Variants in LYPD6B observed in about 807,000 individuals in gnomAD.
The protein encoded by LYPD6B is LY6/PLAUR domain containing 6B, also known as ly6/PLAUR domain-containing protein 6B.
A neutral mutation model predicts 22.8 loss-of-function variants in LYPD6B; 17 were observed. That is an observed-to-expected ratio of 0.75 (90% CI 0.51 to 1.12). LYPD6B has a LOEUF of 1.12. LYPD6B is among the 50% of genes most tolerant of loss of function. LYPD6B has a pLI of 0.00. For synonymous variants in LYPD6B, 106 were observed against 91.6 expected (o/e 1.16, Z -0.90); for missense variants, 221 against 258.3 (o/e 0.86, Z 0.99).
At position 149,189,758 on chromosome 2, in the gene LYPD6B, CA is replaced by C. The variant is rs368689879; in HGVS notation, c.78-15494del. 3.7e-4 allele frequency among the ~76,000 whole-genome samples: 56 copies of C among 152,246 alleles called. No individual in the cohort carries two copies. The South Asian group carries it at 4.0e-3, about 11-fold the overall frequency. ...TAGACAACTGTGAATGTGCTCTTAG[CA>C]GGATCTCAGGGGACTTTACCAGTGC... On this transcript the variant is annotated intron_variant, in intron 3 of 6. Transcript: ENST00000409642.
At chr2:149,177,311 G>A (rs1691387090) in intron 3 of LYPD6B, among the ~76,000 whole-genome samples, 1 of 152,160 alleles carries the variant, frequency 6.6e-6, no homozygotes, top group African/African-American at 2.4e-5. Context: ...TTGGATCTCT[G>A]TTTCCATCAA....
chr2:149,133,765 T>G (rs1254020610), intron 2 of LYPD6B, among the ~76,000 whole-genome samples: 3 of 152,152 alleles, frequency 2.0e-5, no homozygotes, highest in African/African-American at 7.2e-5. Flanking sequence ...TTCAGTGTAC[T>G]TCAGTGTCAG....
intron 1 of LYPD6B, among the ~76,000 whole-genome samples, chr2:149,125,987 C>G (rs17347863): frequency 0.18 from 27,727 of 152,158 alleles, 3,256 homozygotes; most frequent in Non-Finnish European, 0.26. Context: ...TTTTCTCCTA[C>G]CACTTTGAAG....
intron 1 of LYPD6B, among the ~76,000 whole-genome samples, chr2:149,093,111 G>C (rs1431031396): frequency 6.6e-6 from 1 of 152,134 alleles, no homozygotes; most frequent in Admixed American, 6.6e-5. Context: ...GCTGTCAGAA[G>C]GTACAGTGGA....
chr2:149,113,166 A>G (rs962209630), intron 1 of LYPD6B, among the ~76,000 whole-genome samples: 1 of 150,290 alleles, frequency 6.7e-6, no homozygotes, highest in African/African-American at 2.5e-5. Flanking sequence ...GTACCTCAGC[A>G]TGGACCTTTA....
intron 1 of LYPD6B, among the ~76,000 whole-genome samples, chr2:149,057,010 C>T (rs917660619): frequency 6.6e-6 from 1 of 152,152 alleles, no homozygotes; most frequent in African/African-American, 2.4e-5. Flanking sequence ...AACTAGGATG[C>T]CTGCAAAGTC....
intron 1 of LYPD6B, among the ~76,000 whole-genome samples, chr2:149,046,203 C>T (rs1442734032): frequency 1.3e-5 from 2 of 152,122 alleles, no homozygotes; most frequent in Admixed American, 6.5e-5. Flanking sequence ...GTTAATAATA[C>T]AGATACTCCA....
At chr2:149,198,543 A>C (rs967446483) in intron 3 of LYPD6B, among the ~76,000 whole-genome samples, 1 of 152,120 alleles carries the variant, frequency 6.6e-6, no homozygotes, top group African/African-American at 2.4e-5. Flanking sequence ...CTGTTTCTCC[A>C]CCCAAATTAT....
chr2:149,062,561 T>A (rs1684137714), intron 1 of LYPD6B, among the ~76,000 whole-genome samples: 1 of 152,208 alleles, frequency 6.6e-6, no homozygotes, highest in South Asian at 2.1e-4. Flanking sequence ...AAGCTTACGT[T>A]ATAAAATCAA....
chr2:149,122,752 G>C (rs1687456205), intron 1 of LYPD6B, among the ~76,000 whole-genome samples: 1 of 152,218 alleles, frequency 6.6e-6, no homozygotes, highest in Admixed American at 6.5e-5. Context: ...TTCTCACTTT[G>C]GGGGCTGAGG....
At chr2:149,109,941 C>T (rs1686677854) in intron 1 of LYPD6B, among the ~76,000 whole-genome samples, 1 of 152,044 alleles carries the variant, frequency 6.6e-6, no homozygotes, top group Non-Finnish European at 1.5e-5. Context: ...GAACTCCTGA[C>T]CTCAAGTTAT....
At chr2:149,069,317 C>G in intron 1 of LYPD6B, among the ~76,000 whole-genome samples, 1 of 152,154 alleles carries the variant, frequency 6.6e-6, no homozygotes, top group East Asian at 1.9e-4. Flanking sequence ...TTTTGTTACA[C>G]AGGACATGCC....
chr2:149,058,200 C>T (rs951263090), intron 1 of LYPD6B, among the ~76,000 whole-genome samples: 2 of 152,200 alleles, frequency 1.3e-5, no homozygotes, highest in Non-Finnish European at 2.9e-5. Flanking sequence ...GATTTTCCAA[C>T]CAAATTCCCA....
At position 149,212,105 on chromosome 2, in the gene LYPD6B, C is replaced by T. The variant is rs377453220; in HGVS notation, c.329-887C>T. On this transcript the variant is annotated intron_variant, in intron 5 of 6. Coordinates refer to ENST00000409642, the MANE Select transcript of LYPD6B (RefSeq NM_177964.5). ...ATTATTAGGTTGGTGCAGCCGGGCG[C>T]GGTGGCTCACGCCTGTAATCCCAGC... Among the ~76,000 whole-genome samples, 278 of 151,484 alleles carry T rather than the reference C, an allele frequency of 1.8e-3. 1 individual carries two copies. The highest frequency in any genetic ancestry group is 6.0e-3 in the African/African-American group (246 of 41,256).
intron 2 of LYPD6B, among the ~76,000 whole-genome samples, chr2:149,141,778 A>T (rs1688711743): frequency 6.6e-6 from 1 of 152,190 alleles, no homozygotes; most frequent in African/African-American, 2.4e-5. Flanking sequence ...TTATTGTCTC[A>T]TAGTCCTGGA....
intron 1 of LYPD6B, among the ~76,000 whole-genome samples, chr2:149,119,821 C>T (rs1450010548): frequency 6.6e-6 from 1 of 152,124 alleles, no homozygotes; most frequent in Non-Finnish European, 1.5e-5. Context: ...AAACAGAGCT[C>T]ACAAGCACTG....
chr2:149,188,647 T>C (rs1041044714), intron 3 of LYPD6B: 56 of 924,454 alleles, frequency 6.1e-5, no homozygotes, highest in Non-Finnish European at 7.1e-5. Flanking sequence ...AATTTTCCAT[T>C]TGTATTACAG....
chr2:149,120,236 C>G (rs1034601688), intron 1 of LYPD6B, among the ~76,000 whole-genome samples: 1 of 149,696 alleles, frequency 6.7e-6, no homozygotes, highest in South Asian at 2.1e-4. Flanking sequence ...TTTGAGTTCT[C>G]CAATATAGGA....
chr2:149,129,910 G>A (rs1333711986), intron 1 of LYPD6B, among the ~76,000 whole-genome samples: 1 of 144,900 alleles, frequency 6.9e-6, no homozygotes, highest in African/African-American at 2.5e-5. Flanking sequence ...GTGGTGTCTG[G>A]GAAGGAAGAA....
Sources: allele counts gnomAD v4.1 joint callset (sites outside exome capture counted in the v4.1 genomes callset), GRCh38; gene constraint gnomAD v4.1.1; transcripts MANE v1.5; gene names NCBI Gene and HGNC (gene_info 2026-07-23, HGNC 2026-07-21).